Variants in MICU1 observed in about 807,000 individuals in gnomAD.
MICU1 encodes calcium uptake protein 1, mitochondrial.
Under a neutral mutation model 56.8 loss-of-function variants are expected in MICU1, and 45 were observed. The ratio of observed to expected loss-of-function variants is 0.79; its 90% CI spans 0.62 to 1.02. The LOEUF (loss-of-function observed/expected upper bound fraction) is 1.02. Ranked by LOEUF, MICU1 falls within the 50% of genes least tolerant of loss-of-function variation. MICU1 has a pLI of 0.00. For synonymous variants in MICU1, 186 were observed against 195.1 expected, an observed-to-expected ratio of 0.95 and a Z score of 0.39; for missense variants, 504 against 587.1, an observed-to-expected ratio of 0.86 and a Z score of 1.46.
chr10:72,564,763 A>G (rs1239871561), intron 2 of MICU1, among the ~76,000 whole-genome samples: 1 of 152,072 alleles, frequency 6.6e-6, no homozygotes, highest in East Asian at 1.9e-4. Flanking sequence ...AAGAGCTCCA[A>G]AAATGTACAC....
chr10:72,568,411 T>A (rs1441923969), intron 1 of MICU1, among the ~76,000 whole-genome samples: 1 of 152,216 alleles, frequency 6.6e-6, no homozygotes, highest in Admixed American at 6.5e-5. Context: ...TGTCTTGCCA[T>A]ATGTCTTGCT....
At chr10:72,370,987 C>T (rs909578784) in intron 11 of MICU1, among the ~76,000 whole-genome samples, 2 of 151,658 alleles carry the variant, frequency 1.3e-5, no homozygotes, top group African/African-American at 2.4e-5. Context: ...GCAGAGATGG[C>T]GTCACTGCAC....
At chr10:72,371,386 CAA>C (rs56014491) in intron 11 of MICU1, among the ~76,000 whole-genome samples, 5,326 of 91,274 alleles carry the variant, frequency 0.058, 79 homozygotes, top group South Asian at 0.11. Context: ...GACTCCGTCT[CAA>C]AAAAAAAAAA....
At chr10:72,569,237 A>ATT (rs1178823534) in intron 1 of MICU1, among the ~76,000 whole-genome samples, 647 of 34,320 alleles carry the variant, frequency 0.019, 58 homozygotes, top group Middle Eastern at 0.05. Flanking sequence ...ATATATATAT[A>ATT]TTTTTTTTTT....
chr10:72,368,404 A>C (rs1200259705), intron 11 of MICU1, 49 bp from the exon 12 acceptor site: 7 of 1,580,748 alleles, frequency 4.4e-6, no homozygotes, highest in South Asian at 1.1e-5. Context: ...CCTTGGAACA[A>C]CACCACTGAT....
At chr10:72,446,160 A>T (rs749576011) in intron 8 of MICU1, among the ~76,000 whole-genome samples, 2 of 152,142 alleles carry the variant, frequency 1.3e-5, no homozygotes, top group Non-Finnish European at 2.9e-5. Context: ...GATGGCTCGG[A>T]GGACAATATT....
intron 3 of MICU1, among the ~76,000 whole-genome samples, chr10:72,556,688 AATAAT>A (rs566222323): frequency 1.6e-4 from 24 of 152,130 alleles, no homozygotes; most frequent in Non-Finnish European, 3.1e-4. Flanking sequence ...CAAATTAATA[AATAAT>A]ATATTTTTTC....
chr10:72,390,973 A>G (rs1863049089), intron 10 of MICU1, among the ~76,000 whole-genome samples: 1 of 152,228 alleles, frequency 6.6e-6, no homozygotes. Flanking sequence ...TAAATTATCA[A>G]CTTCATAATA....
chr10:72,478,741 G>C lies in MICU1; in HGVS notation c.653-1485C>G, dbSNP rs1866198033. 2.6e-5 allele frequency among the ~76,000 whole-genome samples: 4 copies of C among 152,198 alleles called. No individual in the cohort carries two copies. In the South Asian group the frequency reaches 6.2e-4, roughly 24 times the overall value. ...ACTCCTGGTTTTTAGTTGCCTGGGTGAATCATGTGTGTGTCAGCTTCCAAT... is the reference window on the plus strand; with the variant it reads ...ACTCCTGGTTTTTAGTTGCCTGGGTCAATCATGTGTGTGTCAGCTTCCAAT... On this transcript the variant is annotated intron_variant, in intron 6 of 11. Coordinates refer to ENST00000361114, the MANE Select transcript of MICU1 (RefSeq NM_001195518.2).
chr10:72,541,841 T>C (rs1056110710), intron 4 of MICU1, among the ~76,000 whole-genome samples: 5 of 152,216 alleles, frequency 3.3e-5, no homozygotes, highest in African/African-American at 1.2e-4. Flanking sequence ...TAAATGTTTG[T>C]TATGCCACTG....
chr10:72,598,857 CTCCTTT>C (rs1841449039), intron 1 of MICU1, among the ~76,000 whole-genome samples: 1 of 152,234 alleles, frequency 6.6e-6, no homozygotes, highest in African/African-American at 2.4e-5. Context: ...ACCCTAATCC[CTCCTTT>C]TCTTTTCTCC....
chr10:72,465,503 CTTTTTTTTTTTTTTTT>C (rs10586216), intron 8 of MICU1, among the ~76,000 whole-genome samples: 5 of 57,748 alleles, frequency 8.7e-5, no homozygotes, highest in African/African-American at 2.4e-4. Context: ...CTGTTCAGGT[CTTTTTTTTTTTTTTTT>C]TTTTTTTTTT....
chr10:72,489,673 T>C (rs1866591099), intron 6 of MICU1, among the ~76,000 whole-genome samples: 1 of 152,224 alleles, frequency 6.6e-6, no homozygotes, highest in Non-Finnish European at 1.5e-5. Context: ...ACCCCTCATT[T>C]CTAGTTCTGC....
chr10:72,527,892 A>T (rs1279057702), intron 5 of MICU1, among the ~76,000 whole-genome samples: 2 of 152,088 alleles, frequency 1.3e-5, no homozygotes, highest in Admixed American at 1.3e-4. Context: ...AGTGATGCCA[A>T]TCCAACTCAC....
chr10:72,407,682 T>G (rs930913611), intron 10 of MICU1, among the ~76,000 whole-genome samples: 1 of 152,184 alleles, frequency 6.6e-6, no homozygotes, highest in Non-Finnish European at 1.5e-5. Flanking sequence ...CTTAGATGCT[T>G]ATTTTCAAGG....
chr10:72,557,805 A>G (rs191502644), intron 3 of MICU1, among the ~76,000 whole-genome samples: 1 of 152,342 alleles, frequency 6.6e-6, no homozygotes, highest in African/African-American at 2.4e-5. Flanking sequence ...GAAAATGCTC[A>G]ATAGTTTCCT....
At chr10:72,516,071 C>T (rs1372248043) in intron 5 of MICU1, among the ~76,000 whole-genome samples, 3 of 152,104 alleles carry the variant, frequency 2.0e-5, no homozygotes, top group African/African-American at 7.2e-5. Context: ...TAAAAGTGTT[C>T]CTATTTCTCC....
At chr10:72,564,575 T>C (rs923128788) in intron 2 of MICU1, among the ~76,000 whole-genome samples, 4 of 120,258 alleles carry the variant, frequency 3.3e-5, no homozygotes, top group African/African-American at 1.2e-4. Context: ...AAAAGAAAAA[T>C]GGAGGCCTAT....
chr10:72,534,991 C>A, intron 4 of MICU1, among the ~76,000 whole-genome samples: 1 of 63,970 alleles, frequency 1.6e-5, no homozygotes, highest in Non-Finnish European at 4.6e-5. Context: ...CTTTGATTGC[C>A]TATCTCCCTC....
Sources: gnomAD v4.1 joint callset for allele counts (sites outside exome capture counted in the v4.1 genomes callset) on GRCh38, gnomAD v4.1.1 for gene constraint, MANE v1.5 for transcripts, NCBI Gene and HGNC (gene_info 2026-07-23, HGNC 2026-07-21) for gene names.